DLG2: variants seen among roughly 807,000 people sequenced by gnomAD.
The protein encoded by DLG2 is discs large MAGUK scaffold protein 2.
In DLG2, 45 loss-of-function variants were observed where a neutral mutation model predicts 132.5. The observed-to-expected ratio is 0.34, with a 90% CI of 0.27 to 0.44. The LOEUF is 0.44. DLG2 is among the 20% of genes least tolerant of loss of function. DLG2 has a pLI of 1.00. For missense variants in DLG2, 1,045 were observed against 1,196.9 expected, an observed-to-expected ratio of 0.87 and a Z score of 1.87; for synonymous variants, 424 against 419.6, an observed-to-expected ratio of 1.01 and a Z score of -0.13.
intron 6 of DLG2, among the ~76,000 whole-genome samples, chr11:84,994,191 T>C (rs1055421024): frequency 6.6e-6 from 1 of 152,228 alleles, no homozygotes; most frequent in African/African-American, 2.4e-5. Context: ...TTAGCTACTC[T>C]TAGCCCTAAT....
chr11:84,989,580 T>C (rs979331469), intron 6 of DLG2, among the ~76,000 whole-genome samples: 23 of 152,286 alleles, frequency 1.5e-4, no homozygotes, highest in African/African-American at 5.5e-4. Context: ...ACTATCAAAA[T>C]CTCAGCAAGA....
chr11:84,545,102 T>A (rs1431469480), intron 6 of DLG2: 2 of 453,138 alleles, frequency 4.4e-6, no homozygotes, highest in South Asian at 1.6e-5. Flanking sequence ...CTTCTCTCTC[T>A]CACGCTAAGC....
At chr11:83,968,962 T>A (rs924339691) in intron 12 of DLG2, among the ~76,000 whole-genome samples, 1 of 152,172 alleles carries the variant, frequency 6.6e-6, no homozygotes, top group African/African-American at 2.4e-5. Flanking sequence ...CCCTTAATAA[T>A]ACAGAAATAA....
intron 6 of DLG2, among the ~76,000 whole-genome samples, chr11:84,900,139 G>T (rs1054558241): frequency 6.6e-6 from 1 of 152,032 alleles, no homozygotes; most frequent in Non-Finnish European, 1.5e-5. Context: ...TTTGATTAAT[G>T]ATTTGAATAT....
intron 19 of DLG2, among the ~76,000 whole-genome samples, chr11:83,571,040 G>A (rs1022524881): frequency 6.6e-6 from 1 of 151,800 alleles, no homozygotes; most frequent in Non-Finnish European, 1.5e-5. Flanking sequence ...GCACCACCAC[G>A]CCCGGCTAAT....
At chr11:83,565,536 G>T (rs1268694092) in intron 19 of DLG2, among the ~76,000 whole-genome samples, 1 of 150,334 alleles carries the variant, frequency 6.7e-6, no homozygotes, top group African/African-American at 2.5e-5. Flanking sequence ...AGAACTGCCA[G>T]AAATTTCTAT....
At chr11:84,772,651 A>G (rs2069634412) in intron 6 of DLG2, among the ~76,000 whole-genome samples, 1 of 152,202 alleles carries the variant, frequency 6.6e-6, no homozygotes, top group Non-Finnish European at 1.5e-5. Context: ...AACTCTCAAG[A>G]CCACACAATT....
chr11:84,139,419 T>C (rs947048076), intron 9 of DLG2, among the ~76,000 whole-genome samples: 10 of 152,136 alleles, frequency 6.6e-5, no homozygotes, highest in African/African-American at 2.4e-4. Flanking sequence ...TAGATGAATC[T>C]TCAGAAGAGA....
At chr11:84,458,974 A>C (rs1005770786) in intron 7 of DLG2, among the ~76,000 whole-genome samples, 8 of 150,838 alleles carry the variant, frequency 5.3e-5, no homozygotes, top group African/African-American at 1.7e-4. Flanking sequence ...TCATGTGAAG[A>C]AACTAAAGTT....
chr11:85,274,056 G>A (rs552622183), intron 4 of DLG2, among the ~76,000 whole-genome samples: 7 of 152,252 alleles, frequency 4.6e-5, no homozygotes, highest in African/African-American at 1.4e-4. Flanking sequence ...ATTGAACCAC[G>A]AGAACACTTG....
At chr11:84,348,266 A>G (rs1424791369) in intron 7 of DLG2, among the ~76,000 whole-genome samples, 3 of 152,222 alleles carry the variant, frequency 2.0e-5, no homozygotes, top group Non-Finnish European at 4.4e-5. Context: ...AGAAATAATT[A>G]CATTCATTTA....
chr11:83,634,918 G>A (rs1220229376), intron 18 of DLG2, among the ~76,000 whole-genome samples: 2 of 152,160 alleles, frequency 1.3e-5, no homozygotes, highest in Non-Finnish European at 2.9e-5. Flanking sequence ...GATTTGGAAG[G>A]CTTCCTGCTC....
chr11:84,884,586 A>G (rs536323678), intron 6 of DLG2, among the ~76,000 whole-genome samples: 62 of 152,252 alleles, frequency 4.1e-4, no homozygotes, highest in African/African-American at 1.4e-3. Flanking sequence ...TTGACTATAC[A>G]ACTAACTTCA....
chr11:84,455,353 C>T (rs1319664545), intron 7 of DLG2, among the ~76,000 whole-genome samples: 1 of 151,232 alleles, frequency 6.6e-6, no homozygotes, highest in Admixed American at 6.6e-5. Context: ...TTTTCTTTTC[C>T]ATTTTATTCA....
chr11:84,578,456 G>C (rs1328544713), intron 6 of DLG2, among the ~76,000 whole-genome samples: 1 of 152,208 alleles, frequency 6.6e-6, no homozygotes, highest in Non-Finnish European at 1.5e-5. Context: ...TCTTGCATTA[G>C]TGTGACCTGG....
chr11:84,436,688 C>A (rs1254963866), intron 7 of DLG2, among the ~76,000 whole-genome samples: 1 of 152,146 alleles, frequency 6.6e-6, no homozygotes, highest in African/African-American at 2.4e-5. Flanking sequence ...TACCTTAGGA[C>A]TTACAGGCCA....
intron 26 of DLG2, among the ~76,000 whole-genome samples, chr11:83,462,359 C>T (rs1425777098): frequency 6.6e-6 from 1 of 152,144 alleles, no homozygotes; most frequent in Non-Finnish European, 1.5e-5. Context: ...AGTCACTGGT[C>T]CCTGTTCTGC....
chr11:85,076,700 A>G (rs1016116294), intron 6 of DLG2, among the ~76,000 whole-genome samples: 3 of 152,024 alleles, frequency 2.0e-5, no homozygotes, highest in African/African-American at 7.2e-5. Flanking sequence ...GCACATGTAC[A>G]TAAAAGGGAC....
chr11:85,093,145 TAGA>T (rs771409569), intron 6 of DLG2, among the ~76,000 whole-genome samples: 13 of 152,158 alleles, frequency 8.5e-5, no homozygotes, highest in Non-Finnish European at 1.8e-4. Flanking sequence ...TTTGTTACAC[TAGA>T]AGAACTTCTA....
Sources: allele counts gnomAD v4.1 joint callset (sites outside exome capture counted in the v4.1 genomes callset), GRCh38; gene constraint gnomAD v4.1.1; transcripts MANE v1.5; gene names NCBI Gene and HGNC (gene_info 2026-07-23, HGNC 2026-07-21).